The following ZNF730 variants were observed in gnomAD, a reference collection of about 807,000 sequenced individuals.
ZNF730 encodes the protein putative zinc finger protein 730.
Under a neutral mutation model 12.6 loss-of-function variants are expected in ZNF730, and 12 were observed. The observed-to-expected ratio is 0.95, with a 90% confidence interval of 0.61 to 1.54. The LOEUF (loss-of-function observed/expected upper bound fraction) is 1.54. Ranked by LOEUF, ZNF730 falls within the 40% of genes most tolerant of loss-of-function variation. ZNF730 has a pLI of 0.00. For synonymous variants in ZNF730, 194 were observed against 195.8 expected, an observed-to-expected ratio of 0.99 and a Z score of 0.08; for missense variants, 643 against 583.5, an observed-to-expected ratio of 1.10 and a Z score of -1.05.
At chr19:23,141,861 G>A (rs1970925762) in intron 3 of ZNF730, among the ~76,000 whole-genome samples, 1 of 152,006 alleles carries the variant, frequency 6.6e-6, no homozygotes, top group Non-Finnish European at 1.5e-5. Flanking sequence ...AGGAATAATT[G>A]TTTTATACTG....
upstream of ZNF730, among the ~76,000 whole-genome samples, chr19:23,115,521 G>T (rs1022758974): frequency 8.5e-5 from 13 of 152,136 alleles, no homozygotes; most frequent in Non-Finnish European, 1.8e-4. Context: ...GAACATGACC[G>T]TGTGCCAGTT....
rs1232064485 is a variant in ZNF730 at position 23,097,178 on chromosome 19, G to C, written c.-94+21791G>C. 2.6e-5 allele frequency among the ~76,000 whole-genome samples: 4 copies of C among 152,078 alleles called. No homozygotes were observed. In the East Asian group the frequency reaches 7.7e-4, roughly 29 times the overall value. On this transcript the variant is annotated intron_variant, in intron 1 of 2. Transcript: ENST00000593635. The stretch of plus-strand genomic sequence containing the variant: ...AAAAAGTATTGTCACATATCACTGG[G>C]CCCAACAGCAACAGTAACAATGATG...
intron 3 of ZNF730, among the ~76,000 whole-genome samples, chr19:23,140,405 T>C (rs938783751): frequency 1.4e-5 from 2 of 145,246 alleles, no homozygotes; most frequent in African/African-American, 2.6e-5. Flanking sequence ...AGGTCAGGAG[T>C]ATGAGACCAG....
intron 3 of ZNF730, 106 bp from the exon 4 acceptor site, chr19:23,145,165 T>A (rs1354896421): frequency 1.3e-6 from 1 of 755,188 alleles, no homozygotes; most frequent in Non-Finnish European, 1.9e-6. Flanking sequence ...CCTGTGGTAT[T>A]TTGCTATGCT....
intron 1 of ZNF730, among the ~76,000 whole-genome samples, chr19:23,080,390 T>C (rs1196330915): frequency 6.6e-6 from 1 of 151,704 alleles, no homozygotes; most frequent in Non-Finnish European, 1.5e-5. Flanking sequence ...TTTTTTTTTA[T>C]TTTGAGACAG....
chr19:23,115,944 G>A (rs1364094175), upstream of ZNF730, among the ~76,000 whole-genome samples: 1 of 152,236 alleles, frequency 6.6e-6, no homozygotes, highest in Non-Finnish European at 1.5e-5. Context: ...CCTTCTAACA[G>A]TGGGCTCCAT....
intron 1 of ZNF730, among the ~76,000 whole-genome samples, chr19:23,077,877 C>T (rs1969893305): frequency 6.6e-6 from 1 of 152,176 alleles, no homozygotes; most frequent in Admixed American, 6.5e-5. Context: ...CTACCCCCAA[C>T]CCTGTGCTCA....
intron 1 of ZNF730, among the ~76,000 whole-genome samples, chr19:23,091,029 G>A (rs1259038226): frequency 2.6e-5 from 4 of 151,882 alleles, no homozygotes; most frequent in Non-Finnish European, 5.9e-5. Flanking sequence ...AAGAAAAAGT[G>A]GTTTTGTGGC....
intron 1 of ZNF730, among the ~76,000 whole-genome samples, chr19:23,087,079 G>A (rs1599568219): frequency 6.6e-6 from 1 of 152,010 alleles, no homozygotes; most frequent in Non-Finnish European, 1.5e-5. Context: ...TCGTGATTTG[G>A]CTCTCAGCTT....
intron 1 of ZNF730, among the ~76,000 whole-genome samples, chr19:23,101,464 T>G (rs990177806): frequency 1.3e-5 from 2 of 152,244 alleles, no homozygotes; most frequent in Non-Finnish European, 2.9e-5. Context: ...AAGTGTTGAC[T>G]CATACCTAGC....
At chr19:23,096,742 T>C (rs1344468214) in intron 1 of ZNF730, among the ~76,000 whole-genome samples, 1 of 152,076 alleles carries the variant, frequency 6.6e-6, no homozygotes, top group Non-Finnish European at 1.5e-5. Context: ...AGTACATAGG[T>C]GATGTGACTC....
At chr19:23,111,196 A>T (rs866768597) in intron 1 of ZNF730, among the ~76,000 whole-genome samples, 1 of 152,002 alleles carries the variant, frequency 6.6e-6, no homozygotes, top group East Asian at 1.9e-4. Context: ...GTTAAGACCA[A>T]TTTTTTTTGT....
Position 23,145,986 on chromosome 19 carries a change from C to G in ZNF730, c.942C>G (p.Cys314Trp). The G allele has an allele frequency of 1.9e-6, 3 of 1,602,896 alleles. No individual in the cohort carries two copies. Among genetic ancestry groups the G allele is most frequent in the Non-Finnish European group, 2.5e-6 (3 of 1,176,718 alleles). Reference protein sequence around the residue: ...KIHTKEQPYKCEKCGKAFKWS... With the variant: ...KIHTKEQPYKWEKCGKAFKWS... Reference sequence around the variant, plus strand: ...ATACTAAAGAGCAACCATACAAATGCGAAAAATGTGGCAAAGCTTTTAAGT... The same window carrying G: ...ATACTAAAGAGCAACCATACAAATGGGAAAAATGTGGCAAAGCTTTTAAGT... The change falls in exon 4 of 4, where the codon TGC (cysteine) becomes TGG (tryptophan). Residue 314 changes from cysteine to tryptophan, a missense_variant. Coordinates refer to ENST00000597761, the MANE Select transcript of ZNF730 (RefSeq NM_001277403.2).
intron 1 of ZNF730, among the ~76,000 whole-genome samples, chr19:23,077,832 ATTC>A (rs1161654691): frequency 3.9e-5 from 6 of 152,276 alleles, no homozygotes; most frequent in Non-Finnish European, 7.4e-5. Context: ...ACTAAGAAAA[ATTC>A]TTCTGCCTTG....
intron 1 of ZNF730, among the ~76,000 whole-genome samples, chr19:23,078,328 G>A (rs561554182): frequency 3.3e-5 from 5 of 152,060 alleles, no homozygotes; most frequent in East Asian, 1.9e-4. Flanking sequence ...GGAATGTCTC[G>A]GTGTAAAACC....
At position 23,100,509 on chromosome 19, in the gene ZNF730, T is replaced by C. The variant is rs1190061460; in HGVS notation, c.-94+25122T>C. ...ATACACAGCCCACCAATCTTGAGAA[T>C]TGTCACCCTCACACATGGACAGAGT... On this transcript the variant is annotated intron_variant, in intron 1 of 2. Transcript: ENST00000593635. 2.6e-5 allele frequency: 4 copies of C among 152,076 alleles called. No individual in the cohort carries two copies. The East Asian group carries it at 5.8e-4, about 22-fold the overall frequency. The allele number at this position is 152,076 out of a possible 1,614,324, so 9.4% of individuals were successfully genotyped here.
At chr19:23,091,486 A>G (rs1426972425) in intron 1 of ZNF730, among the ~76,000 whole-genome samples, 1 of 151,976 alleles carries the variant, frequency 6.6e-6, no homozygotes, top group Non-Finnish European at 1.5e-5. Flanking sequence ...AGCTGCAGAC[A>G]CTCAATGCCA....
chr19:23,084,614 C>A (rs1223780676), intron 1 of ZNF730, among the ~76,000 whole-genome samples: 1 of 152,174 alleles, frequency 6.6e-6, no homozygotes, highest in African/African-American at 2.4e-5. Flanking sequence ...CCTCCTCCAA[C>A]CTTCCACCCT....
In ZNF730 at chr19:23,146,266, A is replaced by G; in HGVS notation, c.1222A>G (p.Ile408Val). 6.2e-7 allele frequency: 1 copy of G among 1,612,400 alleles called. No individual in the cohort carries two copies. Among genetic ancestry groups the G allele is most frequent in the Non-Finnish European group, 8.5e-7 (1 of 1,179,384 alleles). ...CEECGKAFSR[I>V]SHLTTHKRIH... ...AGAATGTGGCAAAGCCTTTAGCCGT[A>G]TCTCACACCTTACTACACATAAGAG... The change falls in exon 4 of 4, where the codon ATC becomes GTC. Residue 408 changes from isoleucine to valine, a missense_variant. Coordinates refer to ENST00000597761, the MANE Select transcript of ZNF730 (RefSeq NM_001277403.2).
Sources: gnomAD v4.1 joint callset for allele counts (sites outside exome capture counted in the v4.1 genomes callset) on GRCh38, gnomAD v4.1.1 for gene constraint, MANE v1.5 for transcripts, NCBI Gene and HGNC (gene_info 2026-07-23, HGNC 2026-07-21) for gene names.